The following IL2RB variants were observed in gnomAD, a reference collection of about 807,000 sequenced individuals.
IL2RB encodes the protein interleukin 2 receptor subunit beta.
In IL2RB, 17 loss-of-function variants were observed where a neutral mutation model predicts 44.2. The ratio of observed to expected loss-of-function variants is 0.38; its 90% CI spans 0.26 to 0.58. The LOEUF (loss-of-function observed/expected upper bound fraction) is 0.58, where lower values mean the gene tolerates loss of function less well. Among genes scored for constraint, IL2RB ranks in the 20% least tolerant of loss-of-function variants. The probability of loss-of-function intolerance (pLI) is 0.63; values close to 1 mark genes in which losing one functional copy is unlikely to be tolerated. For synonymous variants in IL2RB, 286 were observed against 297.9 expected, an observed-to-expected ratio of 0.96 and a Z score of 0.41; for missense variants, 624 against 685.5, an observed-to-expected ratio of 0.91 and a Z score of 1.00.
chr22:37,142,632 C>T (rs1490405038), intron 3 of IL2RB, 120 bp from the exon 4 acceptor site: 1 of 965,748 alleles, frequency 1.0e-6, no homozygotes, highest in Admixed American at 1.9e-5. Flanking sequence ...CAGGCTGGGG[C>T]CCCTGTGCCA....
At chr22:37,167,646 C>T (rs1221417424) in intron 1 of IL2RB, among the ~76,000 whole-genome samples, 4 of 152,228 alleles carry the variant, frequency 2.6e-5, no homozygotes, top group African/African-American at 7.2e-5. Context: ...GGGCAGCTTT[C>T]CCAGCACCCC....
chr22:37,129,821 C>A (rs1367010691), intron 9 of IL2RB, among the ~76,000 whole-genome samples: 1 of 152,212 alleles, frequency 6.6e-6, no homozygotes, highest in African/African-American at 2.4e-5. Context: ...AGTTTGGGAG[C>A]CCTGACAACC....
intron 2 of IL2RB, 39 bp from the exon 3 acceptor site, chr22:37,143,674 G>A: frequency 1.4e-6 from 2 of 1,404,200 alleles, no homozygotes; most frequent in Non-Finnish European, 2.0e-6. Flanking sequence ...GACTGTAGGT[G>A]CCCACAGCCC....
At chr22:37,165,129 C>T (rs137972035) in intron 1 of IL2RB, among the ~76,000 whole-genome samples, 353 of 152,332 alleles carry the variant, frequency 2.3e-3, no homozygotes, top group Middle Eastern at 6.8e-3. Context: ...AACTGAGGCA[C>T]GGGGAGGTTA....
At chr22:37,151,545 G>A (rs1922486642), upstream of IL2RB, among the ~76,000 whole-genome samples, 1 of 152,156 alleles carries the variant, frequency 6.6e-6, no homozygotes, top group African/African-American at 2.4e-5. Flanking sequence ...ATCCTTTGCT[G>A]TGTAGAAGCC....
rs564757046 is a variant in IL2RB, at chr22:37,146,227, G to A, written c.-33-2022C>T. ...CTCGTGCCGTTCCAGCCCAGACAAC[G>A]GCACCACCCCATCTGCAGGCTCTCA... On this transcript the variant is annotated intron_variant, in intron 1 of 9. Transcript: ENST00000216223. Among the ~76,000 whole-genome samples, 4 of 152,166 alleles carry A rather than the reference G, an allele frequency of 2.6e-5. No homozygotes were observed. In the South Asian group the frequency reaches 6.2e-4, roughly 24 times the overall value.
chr22:37,149,202 G>A (rs1922369608), intron 1 of IL2RB, among the ~76,000 whole-genome samples: 1 of 152,166 alleles, frequency 6.6e-6, no homozygotes, highest in South Asian at 2.1e-4. Flanking sequence ...CATCCCCAAT[G>A]TCCGGAGATG....
At chr22:37,145,337 A>G (rs572902238) in intron 1 of IL2RB, among the ~76,000 whole-genome samples, 1 of 152,154 alleles carries the variant, frequency 6.6e-6, no homozygotes, top group African/African-American at 2.4e-5. Flanking sequence ...AGAGACATGA[A>G]ATCTCTAAGC....
chr22:37,128,189 C>T lies in IL2RB; in HGVS notation c.1563G>A (p.Glu521=). 6.5e-7 allele frequency: 1 copy of T among 1,539,058 alleles called. No homozygotes were observed. Among genetic ancestry groups the T allele is most frequent in the Admixed American group, 2.2e-5 (1 of 46,130 alleles). Reference sequence around the variant, plus strand: ...GCAGGCGAGCATTAAGGGCCCTGAACTCCCCCTGCCCAGGAGGCCTGGACC... The same window carrying T: ...GCAGGCGAGCATTAAGGGCCCTGAATTCCCCCTGCCCAGGAGGCCTGGACC... The part of the protein sequence containing the change: ...FPWSRPPGQG[E]FRALNARLPL... The change falls in exon 10 of 10, where the codon GAG becomes GAA. Residue 521 remains glutamate (E), a synonymous_variant. Coordinates refer to ENST00000216223, the MANE Select transcript of IL2RB (RefSeq NM_000878.5). The surrounding 1 kb of genome is among the most constrained non-coding windows in gnomAD (Gnocchi z 4.5).
chr22:37,133,800 G>A (rs1921548886), intron 8 of IL2RB, among the ~76,000 whole-genome samples: 2 of 152,186 alleles, frequency 1.3e-5, no homozygotes, highest in East Asian at 1.9e-4. Context: ...ACAGGCCCAG[G>A]CTCAAGTTCA....
At chr22:37,159,303 C>T (rs555725527) in intron 1 of IL2RB, among the ~76,000 whole-genome samples, 1 of 152,038 alleles carries the variant, frequency 6.6e-6, no homozygotes, top group African/African-American at 2.4e-5. Flanking sequence ...GAAGGTTATG[C>T]CTGGCTGTCA....
intron 1 of IL2RB, among the ~76,000 whole-genome samples, chr22:37,163,839 C>G (rs1314018811): frequency 1.3e-5 from 2 of 152,240 alleles, no homozygotes; most frequent in Non-Finnish European, 2.9e-5. Context: ...ACGAAGGGCC[C>G]CAGGCTTGTC....
intron 1 of IL2RB, among the ~76,000 whole-genome samples, chr22:37,168,420 G>A (rs939849141): frequency 4.6e-5 from 7 of 152,182 alleles, no homozygotes; most frequent in South Asian, 2.1e-4. Flanking sequence ...ATGTGGCATC[G>A]GTGCTGTGGG....
upstream of IL2RB, among the ~76,000 whole-genome samples, chr22:37,154,399 C>T (rs1248748566): frequency 6.6e-6 from 1 of 152,164 alleles, no homozygotes; most frequent in African/African-American, 2.4e-5. Context: ...CGTGCACCCT[C>T]CTCCCGGCAT....
intron 9 of IL2RB, 33 bp downstream of exon 9, chr22:37,132,351 G>A: frequency 6.4e-7 from 1 of 1,565,566 alleles, no homozygotes; most frequent in Non-Finnish European, 8.8e-7. Context: ...TCACACCCCT[G>A]CCCACCTCTG....
chr22:37,168,661 G>A (rs1923159280), intron 1 of IL2RB, among the ~76,000 whole-genome samples: 1 of 152,344 alleles, frequency 6.6e-6, no homozygotes, highest in Non-Finnish European at 1.5e-5. Context: ...GGAAGGCTGG[G>A]TTCTTCCTCT....
At chr22:37,173,404 A>G (rs1017143083) in intron 1 of IL2RB, among the ~76,000 whole-genome samples, 6 of 152,228 alleles carry the variant, frequency 3.9e-5, no homozygotes, top group African/African-American at 1.4e-4. Context: ...CCTATAGAAT[A>G]GGAATCAATC....
At chr22:37,156,885 G>A (rs1041208756) in intron 1 of IL2RB, among the ~76,000 whole-genome samples, 2 of 152,084 alleles carry the variant, frequency 1.3e-5, no homozygotes, top group African/African-American at 4.8e-5. Context: ...AGCTGACACT[G>A]TCACCCACCC....
In IL2RB at chr22:37,128,725, C is replaced by A. The variant is rs770365642; in HGVS notation, c.1027G>T (p.Val343Leu). The A allele has an allele frequency of 1.9e-6, 3 of 1,614,176 alleles. No homozygotes were observed. Among genetic ancestry groups the A allele is most frequent in the Non-Finnish European group, 2.5e-6 (3 of 1,180,004 alleles). ...CTGCTTAAGGATGCGGGCTCAGGCA[C>A]CTTGTCCTGCTGCAGGAGCAGCTGC... The part of the protein sequence containing the change: ...VTQLLLQQDK[V>L]PEPASLSSNH... Residue 343 changes from valine to leucine, a missense_variant, in exon 10 of 10, where the codon GTG becomes TTG. This residue lies in a region of IL2RB where 291 missense variants were observed against 275.5 expected (regional missense o/e 1.06). Coordinates refer to ENST00000216223, the MANE Select transcript of IL2RB (RefSeq NM_000878.5). The surrounding 1 kb of genome is among the most constrained non-coding windows in gnomAD (Gnocchi z 4.5).
Sources: gnomAD v4.1 joint callset for allele counts (sites outside exome capture counted in the v4.1 genomes callset) on GRCh38, gnomAD v4.1.1 for gene constraint, gnomAD v4.1.1 regional missense constraint, Gnocchi (gnomAD v3.1) non-coding constraint, MANE v1.5 for transcripts, NCBI Gene and HGNC (gene_info 2026-07-23, HGNC 2026-07-21) for gene names.